Variants in MMP26 observed in about 807,000 individuals in gnomAD.
MMP26 encodes the protein matrix metallopeptidase 26.
Under a neutral mutation model 31.0 loss-of-function variants are expected in MMP26, and 33 were observed. The observed-to-expected ratio is 1.06, with a 90% CI of 0.81 to 1.42. MMP26 has a LOEUF of 1.42. Ranked by LOEUF, MMP26 falls within the 40% of genes most tolerant of loss-of-function variation. MMP26 has a pLI of 0.00. For synonymous variants in MMP26, 122 were observed against 114.9 expected, an observed-to-expected ratio of 1.06 and a Z score of -0.40; for missense variants, 347 against 316.1, an observed-to-expected ratio of 1.10 and a Z score of -0.74.
intron 2 of MMP26, chr11:4,944,763 C>A (rs556716521): frequency 2.0e-5 from 3 of 151,842 alleles, no homozygotes; most frequent in African/African-American, 7.3e-5. Context: ...ATAAATTTGT[C>A]TTTAACATCA....
rs1241212558 is a variant in MMP26, at chr11:4,821,442, C to T, written c.-145+54101C>T. On this transcript the variant is annotated intron_variant, in intron 2 of 7. Transcript: ENST00000380390. The stretch of plus-strand genomic sequence containing the variant: ...TCCCTATGTCGGTCCTCAATAATAC[C>T]ATTGCTGAGCCTCTGATCTTCCTCC... 11 of 1,613,590 alleles carry T rather than the reference C, an allele frequency of 6.8e-6. No individual in the cohort carries two copies. The South Asian group carries it at 1.2e-4, about 18-fold the overall frequency.
intron 2 of MMP26, among the ~76,000 whole-genome samples, chr11:4,939,936 T>C (rs960364899): frequency 6.6e-6 from 1 of 152,164 alleles, no homozygotes; most frequent in African/African-American, 2.4e-5. Flanking sequence ...AAAATAGTCT[T>C]ATGTCAATAG....
At chr11:4,984,714 AC>A (rs541884325) in intron 2 of MMP26, among the ~76,000 whole-genome samples, 32 of 152,128 alleles carry the variant, frequency 2.1e-4, no homozygotes, top group Non-Finnish European at 3.2e-4. Flanking sequence ...TTGTCAATTG[AC>A]AAATATAAAT....
In MMP26 at chr11:4,822,277, C is replaced by A. The variant is rs771911608; in HGVS notation, c.-145+54936C>A. On this transcript the variant is annotated intron_variant, in intron 2 of 7. Coordinates refer to ENST00000380390, the MANE Select transcript of MMP26 (RefSeq NM_021801.5). ...CATGGCCAATGTCTTTCTGCTAATCCCTCCTGTGCTCAACCCTATTATTTA... is the reference window on the plus strand; with the variant it reads ...CATGGCCAATGTCTTTCTGCTAATCACTCCTGTGCTCAACCCTATTATTTA... The A allele has an allele frequency of 9.0e-6, 14 of 1,559,892 alleles. No homozygotes were observed. In the South Asian group the frequency reaches 1.5e-4, roughly 16 times the overall value.
At chr11:4,708,676 C>G (rs1199137200) in intron 1 of MMP26, among the ~76,000 whole-genome samples, 1 of 152,156 alleles carries the variant, frequency 6.6e-6, no homozygotes. Flanking sequence ...ATTTTCAATC[C>G]TACAGATTTA....
chr11:4,752,043 T>G (rs969525220), intron 1 of MMP26: 1 of 152,080 alleles, frequency 6.6e-6, no homozygotes, highest in African/African-American at 2.4e-5. Flanking sequence ...AAATATGAAT[T>G]CCCTTGGAAC....
At chr11:4,810,483 A>G (rs1000692779) in intron 2 of MMP26, among the ~76,000 whole-genome samples, 3 of 152,198 alleles carry the variant, frequency 2.0e-5, no homozygotes, top group African/African-American at 7.2e-5. Context: ...CTATGAGTTC[A>G]AGGTTATTGA....
At position 4,854,754 on chromosome 11, in the gene MMP26, A is replaced by C. The variant is rs1850025401; in HGVS notation, c.-145+87413A>C. Among the ~76,000 whole-genome samples the C allele has an allele frequency of 2.0e-5, 3 of 152,234 alleles. No homozygotes were observed. In the South Asian group the frequency reaches 6.2e-4, roughly 32 times the overall value. On this transcript the variant is annotated intron_variant, in intron 2 of 7. Transcript: ENST00000380390. Reference sequence around the variant, plus strand: ...AGGAGTTTGAGATCTGAGAATGGACAGACTGTCTCCTCAAGTGGGTCCCTG... The same window carrying C: ...AGGAGTTTGAGATCTGAGAATGGACCGACTGTCTCCTCAAGTGGGTCCCTG...
At chr11:4,820,956 G>A (rs1234066539) in intron 2 of MMP26, among the ~76,000 whole-genome samples, 1 of 152,016 alleles carries the variant, frequency 6.6e-6, no homozygotes, top group Non-Finnish European at 1.5e-5. Flanking sequence ...GGATTTTTTG[G>A]CATTCTTCTG....
At chr11:4,827,335 T>C (rs1198137883) in intron 2 of MMP26, among the ~76,000 whole-genome samples, 1 of 152,174 alleles carries the variant, frequency 6.6e-6, no homozygotes, top group Non-Finnish European at 1.5e-5. Flanking sequence ...TTATTGTTTT[T>C]GGTGCAAGTT....
At chr11:4,883,142 G>A (rs1041105664) in intron 2 of MMP26, among the ~76,000 whole-genome samples, 34 of 152,140 alleles carry the variant, frequency 2.2e-4, no homozygotes, top group African/African-American at 8.0e-4. Context: ...AAGCAGACTA[G>A]TCACTTTAAT....
chr11:4,840,050 G>T (rs1849773048), intron 2 of MMP26, among the ~76,000 whole-genome samples: 1 of 152,124 alleles, frequency 6.6e-6, no homozygotes, highest in African/African-American at 2.4e-5. Flanking sequence ...TACTCCTCAT[G>T]GCCAGTAGTG....
At chr11:4,838,756 G>A (rs1849755855) in intron 2 of MMP26, among the ~76,000 whole-genome samples, 2 of 152,134 alleles carry the variant, frequency 1.3e-5, no homozygotes, top group Admixed American at 6.6e-5. Flanking sequence ...AGAACAAGAT[G>A]TAGGAATAGA....
In MMP26 at chr11:4,963,888, G is replaced by A. The variant is rs143698664; in HGVS notation, c.-144-24180G>A. On this transcript the variant is annotated intron_variant, in intron 2 of 7. Transcript: ENST00000380390. ...TCAGTGAGGTTGAGCTTTTTTTCAT[G>A]TTTGTTGGCTGCTTGTATGTCTTCT... is the stretch of plus-strand genomic sequence containing the variant. Among the ~76,000 whole-genome samples, 19 of 152,136 alleles carry A rather than the reference G, an allele frequency of 1.2e-4. No homozygotes were observed. In the East Asian group the frequency reaches 3.5e-3, roughly 28 times the overall value.
intron 2 of MMP26, chr11:4,875,882 C>T (rs564840326): frequency 2.6e-5 from 4 of 152,224 alleles, no homozygotes; most frequent in Admixed American, 1.3e-4. Context: ...ACTTCTTCCT[C>T]CCTCACTTGC....
At chr11:4,960,691 T>C (rs879566594) in intron 2 of MMP26, among the ~76,000 whole-genome samples, 2 of 151,856 alleles carry the variant, frequency 1.3e-5, no homozygotes, top group Non-Finnish European at 2.9e-5. Context: ...AAAATTACAG[T>C]ACCAAAAGGC....
chr11:4,820,020 C>G (rs189588104), intron 2 of MMP26, among the ~76,000 whole-genome samples: 1 of 152,266 alleles, frequency 6.6e-6, no homozygotes, highest in East Asian at 1.9e-4. Flanking sequence ...CTTCATATCT[C>G]CACAGTTCAC....
rs753971886 is a variant in MMP26 at position 4,914,709 on chromosome 11, CTA to C, written c.-144-73358_-144-73357del. ...GTTTCAGGAGACAGTGGCTCTAACA[CTA>C]GACACAGTTAGTAACAAAAGGCATG... is the stretch of plus-strand genomic sequence containing the variant. On this transcript the variant is annotated intron_variant, in intron 2 of 7. Transcript: ENST00000380390. The C allele has an allele frequency of 5.0e-6, 8 of 1,592,686 alleles. No individual in the cohort carries two copies. The Admixed American group carries it at 1.2e-4, about 23-fold the overall frequency.
At chr11:4,892,505 T>C (rs950578544) in intron 2 of MMP26, among the ~76,000 whole-genome samples, 19 of 152,188 alleles carry the variant, frequency 1.2e-4, no homozygotes, top group Admixed American at 9.2e-4. Flanking sequence ...AATAGAATCA[T>C]TAGAAGCCCA....
Sources: gnomAD v4.1 joint callset for allele counts (sites outside exome capture counted in the v4.1 genomes callset) on GRCh38, gnomAD v4.1.1 for gene constraint, MANE v1.5 for transcripts, NCBI Gene and HGNC (gene_info 2026-07-23, HGNC 2026-07-21) for gene names.